The following LHFPL3 variants were observed in gnomAD, a reference collection of about 807,000 sequenced individuals.
The protein encoded by LHFPL3 is LHFPL tetraspan subfamily member 3 protein.
Under a neutral mutation model 19.3 loss-of-function variants are expected in LHFPL3, and 5 were observed. The ratio of observed to expected loss-of-function variants is 0.26; its 90% CI spans 0.14 to 0.54. LHFPL3 has a LOEUF of 0.54. Among genes scored for constraint, LHFPL3 ranks in the 20% least tolerant of loss-of-function variants. The pLI is 0.94. For missense variants in LHFPL3, 249 were observed against 307.4 expected (o/e 0.81, Z 1.42); for synonymous variants, 133 against 126.2 (o/e 1.05, Z -0.36).
chr7:104,567,768 G>A (rs771275197), intron 1 of LHFPL3, among the ~76,000 whole-genome samples: 15 of 152,120 alleles, frequency 9.9e-5, no homozygotes, highest in Non-Finnish European at 2.1e-4. Flanking sequence ...TGCTCCAGTT[G>A]ATCCTTGCCT....
At chr7:104,409,503 C>G (rs1052321438) in intron 1 of LHFPL3, among the ~76,000 whole-genome samples, 2 of 152,030 alleles carry the variant, frequency 1.3e-5, no homozygotes, top group African/African-American at 4.8e-5. Flanking sequence ...GTAGTCCTGG[C>G]TATTCAGGAG....
chr7:104,772,967 T>G (rs1038999219), intron 2 of LHFPL3, among the ~76,000 whole-genome samples: 5 of 152,256 alleles, frequency 3.3e-5, no homozygotes, highest in African/African-American at 1.2e-4. Context: ...ATGTGCTTGC[T>G]GACAGCAACA....
At chr7:104,706,427 T>C (rs1041189612) in intron 1 of LHFPL3, among the ~76,000 whole-genome samples, 1 of 152,192 alleles carries the variant, frequency 6.6e-6, no homozygotes, top group Non-Finnish European at 1.5e-5. Flanking sequence ...CTCTATATTG[T>C]TGAAGCTGGA....
At chr7:104,498,507 T>TG (rs1793534476) in intron 1 of LHFPL3, among the ~76,000 whole-genome samples, 1 of 151,832 alleles carries the variant, frequency 6.6e-6, no homozygotes, top group African/African-American at 2.4e-5. Context: ...TTTTTTTTTT[T>TG]TTTTTTTGAG....
chr7:104,676,261 G>T (rs1191500172), intron 1 of LHFPL3, among the ~76,000 whole-genome samples: 3 of 152,160 alleles, frequency 2.0e-5, no homozygotes, highest in Non-Finnish European at 4.4e-5. Context: ...CCAAGATCAG[G>T]TTTAAACAGA....
At chr7:104,502,489 C>A (rs777077618) in intron 1 of LHFPL3, among the ~76,000 whole-genome samples, 1 of 152,204 alleles carries the variant, frequency 6.6e-6, no homozygotes, top group Non-Finnish European at 1.5e-5. Flanking sequence ...GAAATGGCAT[C>A]TACATGTTGG....
In LHFPL3 at chr7:104,535,602, A is replaced by C. The variant is rs1443782688; in HGVS notation, c.446-201073A>C. ...GTAATCCTTTATCCCAGCAATATTG[A>C]AAGGCACAGAACACCTAAATTTCAG... On this transcript the variant is annotated intron_variant, in intron 1 of 2. Coordinates refer to ENST00000424859, the MANE Select transcript of LHFPL3 (RefSeq NM_199000.3). Among the ~76,000 whole-genome samples the C allele has an allele frequency of 5.3e-5, 8 of 152,300 alleles. No individual in the cohort carries two copies. The South Asian group carries it at 8.3e-4, about 16-fold the overall frequency.
chr7:104,589,649 C>T (rs555715462), intron 1 of LHFPL3, among the ~76,000 whole-genome samples: 31 of 152,270 alleles, frequency 2.0e-4, no homozygotes, highest in African/African-American at 7.0e-4. Flanking sequence ...GGAGGATTCC[C>T]TCTTTTTCTA....
chr7:104,781,650 C>T (rs1042230314), intron 2 of LHFPL3, among the ~76,000 whole-genome samples: 13 of 152,028 alleles, frequency 8.6e-5, no homozygotes, highest in Non-Finnish European at 1.5e-4. Context: ...TTTCTCCTTC[C>T]GCCTCTACCT....
chr7:104,703,921 T>C (rs1793143758), intron 1 of LHFPL3, among the ~76,000 whole-genome samples: 1 of 152,202 alleles, frequency 6.6e-6, no homozygotes, highest in Admixed American at 6.5e-5. Context: ...TCCCCCACAG[T>C]TGTCATCACA....
chr7:104,425,943 A>C (rs748809985), intron 1 of LHFPL3, among the ~76,000 whole-genome samples: 22 of 152,192 alleles, frequency 1.4e-4, no homozygotes, highest in Non-Finnish European at 2.8e-4. Flanking sequence ...CAAATAAACT[A>C]TACATAGAAT....
chr7:104,693,696 CTT>C (rs55922716), intron 1 of LHFPL3, among the ~76,000 whole-genome samples: 31 of 140,400 alleles, frequency 2.2e-4, no homozygotes, highest in Admixed American at 2.2e-4. Flanking sequence ...CTTTTCTTTT[CTT>C]TTTTTTTTTT....
intron 1 of LHFPL3, among the ~76,000 whole-genome samples, chr7:104,552,930 A>C (rs1358955386): frequency 6.6e-6 from 1 of 152,152 alleles, no homozygotes; most frequent in Non-Finnish European, 1.5e-5. Flanking sequence ...CATGTTACTT[A>C]ATTTCTTCAT....
intron 1 of LHFPL3, among the ~76,000 whole-genome samples, chr7:104,652,345 G>A (rs1418227527): frequency 1.3e-5 from 2 of 152,216 alleles, no homozygotes; most frequent in Admixed American, 6.5e-5. Context: ...AGTTGGAGAA[G>A]TAGGAGCAGA....
At chr7:104,472,816 CTT>C (rs1353486100) in intron 1 of LHFPL3, among the ~76,000 whole-genome samples, 2 of 152,114 alleles carry the variant, frequency 1.3e-5, no homozygotes, top group African/African-American at 2.4e-5. Context: ...CCTTAAGTCT[CTT>C]TTAATTTAAT....
intron 1 of LHFPL3, among the ~76,000 whole-genome samples, chr7:104,508,376 G>T (rs917264563): frequency 3.7e-5 from 5 of 136,574 alleles, no homozygotes; most frequent in African/African-American, 1.4e-4. Context: ...ACCAAACACC[G>T]CATATTCTCA....
intron 1 of LHFPL3, among the ~76,000 whole-genome samples, chr7:104,579,317 T>G (rs1346826585): frequency 6.6e-6 from 1 of 152,124 alleles, no homozygotes; most frequent in African/African-American, 2.4e-5. Flanking sequence ...GTTTCCTCCC[T>G]CCTCTCTTTT....
At chr7:104,664,413 C>T (rs1479632400) in intron 1 of LHFPL3, among the ~76,000 whole-genome samples, 1 of 152,140 alleles carries the variant, frequency 6.6e-6, no homozygotes, top group African/African-American at 2.4e-5. Context: ...AGCAGAAGTT[C>T]CTTTCTTTCT....
At chr7:104,385,563 A>G (rs980402823) in intron 1 of LHFPL3, among the ~76,000 whole-genome samples, 14 of 152,286 alleles carry the variant, frequency 9.2e-5, no homozygotes, top group Admixed American at 1.3e-4. Context: ...TATGCAGCCA[A>G]TCTGTCTCTC....
Sources: gnomAD v4.1 joint callset for allele counts (sites outside exome capture counted in the v4.1 genomes callset) on GRCh38, gnomAD v4.1.1 for gene constraint, MANE v1.5 for transcripts, NCBI Gene and HGNC (gene_info 2026-07-23, HGNC 2026-07-21) for gene names.